The following TBCK variants were observed in gnomAD, a reference collection of about 807,000 sequenced individuals.
TBCK encodes TBC domain-containing protein kinase-like protein.
A neutral mutation model predicts 113.4 loss-of-function variants in TBCK; 99 were observed. The ratio of observed to expected loss-of-function variants is 0.87; its 90% CI spans 0.74 to 1.03. TBCK has a LOEUF of 1.03. TBCK is among the 50% of genes least tolerant of loss of function. TBCK has a pLI of 0.00. For synonymous variants in TBCK, 369 were observed against 370.8 expected, an observed-to-expected ratio of 1.00 and a Z score of 0.05; for missense variants, 1,045 against 1,061.3, an observed-to-expected ratio of 0.98 and a Z score of 0.21.
At chr4:106,194,817 G>T in intron 20 of TBCK, 63 bp from the exon 21 acceptor site, 2 of 1,349,556 alleles carry the variant, frequency 1.5e-6, no homozygotes, top group South Asian at 1.3e-5. Flanking sequence ...TAATTAGAAT[G>T]ATTACCAATA....
intron 20 of TBCK, among the ~76,000 whole-genome samples, chr4:106,205,761 C>CAA (rs144955479): frequency 6.0e-5 from 8 of 133,602 alleles, no homozygotes; most frequent in Middle Eastern, 3.7e-3. Context: ...GACTCTGTCT[C>CAA]AAAAAAAAAA....
intron 3 of TBCK, among the ~76,000 whole-genome samples, chr4:106,264,814 T>C (rs1028413935): frequency 3.3e-5 from 5 of 151,940 alleles, no homozygotes; most frequent in African/African-American, 7.2e-5. Flanking sequence ...TCTTGAGAAA[T>C]TGTTTCATAC....
intron 16 of TBCK, 26 bp downstream of exon 16, chr4:106,233,562 G>A (rs767111497): frequency 2.3e-5 from 36 of 1,588,880 alleles, no homozygotes; most frequent in Admixed American, 1.7e-5. Flanking sequence ...ATTATCTTAG[G>A]TTGCTTAAGA....
intron 24 of TBCK, among the ~76,000 whole-genome samples, chr4:106,111,753 T>G (rs1432778757): frequency 1.3e-5 from 2 of 152,226 alleles, no homozygotes; most frequent in African/African-American, 2.4e-5. Context: ...CTTGGAAATA[T>G]CTTGGGTACA....
chr4:106,131,837 G>T (rs1402938398), intron 23 of TBCK, among the ~76,000 whole-genome samples: 2 of 152,148 alleles, frequency 1.3e-5, no homozygotes, highest in Admixed American at 6.5e-5. Flanking sequence ...TGAACAATAA[G>T]GTCCAGGCTG....
chr4:106,047,117 C>T (rs891624921), intron 25 of TBCK, among the ~76,000 whole-genome samples: 1 of 152,112 alleles, frequency 6.6e-6, no homozygotes, highest in African/African-American at 2.4e-5. Context: ...TTATGGTCCA[C>T]TTCAATGTCC....
intron 23 of TBCK, chr4:106,163,526 G>A (rs1219693057): frequency 6.6e-6 from 1 of 152,116 alleles, no homozygotes; most frequent in Admixed American, 6.6e-5. Flanking sequence ...CCCAAACTGG[G>A]TAATTTATAA....
chr4:106,178,718 T>C (rs990781610), intron 22 of TBCK, among the ~76,000 whole-genome samples: 1 of 151,990 alleles, frequency 6.6e-6, no homozygotes, highest in African/African-American at 2.4e-5. Context: ...CAGTTGCTTG[T>C]ATTTTTGTTG....
chr4:106,249,968 A>C (rs1416550001), intron 7 of TBCK, among the ~76,000 whole-genome samples: 1 of 152,072 alleles, frequency 6.6e-6, no homozygotes, highest in Admixed American at 6.6e-5. Flanking sequence ...TGAATTATAC[A>C]TGTTTGGATC....
intron 23 of TBCK, among the ~76,000 whole-genome samples, chr4:106,130,868 A>C (rs1745817563): frequency 6.6e-6 from 1 of 152,266 alleles, no homozygotes; most frequent in African/African-American, 2.4e-5. Context: ...CAATGTAAAA[A>C]GACTTTCCAA....
At chr4:106,085,706 TA>T (rs1224424908) in intron 25 of TBCK, among the ~76,000 whole-genome samples, 2 of 152,208 alleles carry the variant, frequency 1.3e-5, no homozygotes, top group Non-Finnish European at 2.9e-5. Context: ...TAATTGGAAG[TA>T]AAACACTCCT....
At chr4:106,269,811 C>T (rs1560942144) in intron 3 of TBCK, among the ~76,000 whole-genome samples, 1 of 152,116 alleles carries the variant, frequency 6.6e-6, no homozygotes, top group Non-Finnish European at 1.5e-5. Context: ...GGGAAATTAA[C>T]TTTCCAACTT....
intron 11 of TBCK, among the ~76,000 whole-genome samples, chr4:106,244,140 T>C (rs919296062): frequency 6.6e-6 from 1 of 152,216 alleles, no homozygotes; most frequent in South Asian, 2.1e-4. Flanking sequence ...TATCTTCTTA[T>C]ACAGTTAGGC....
chr4:106,211,818 A>G (rs1202812868), intron 20 of TBCK, among the ~76,000 whole-genome samples: 1 of 152,092 alleles, frequency 6.6e-6, no homozygotes, highest in Non-Finnish European at 1.5e-5. Flanking sequence ...TCCTATGTAT[A>G]TACACATATA....
chr4:106,171,069 T>G (rs1750932609), intron 23 of TBCK, 26 bp downstream of exon 23: 7 of 1,552,390 alleles, frequency 4.5e-6, no homozygotes, highest in Non-Finnish European at 5.2e-6. Context: ...TTTTAGAGTT[T>G]GTAAACTAAA....
chr4:106,083,004 C>T (rs953401886), intron 25 of TBCK, among the ~76,000 whole-genome samples: 1 of 152,234 alleles, frequency 6.6e-6, no homozygotes, highest in Admixed American at 6.5e-5. Context: ...GGCCTAGCGT[C>T]CCAACCCTAG....
At chr4:106,122,395 C>T (rs1166062871) in intron 23 of TBCK, among the ~76,000 whole-genome samples, 2 of 152,116 alleles carry the variant, frequency 1.3e-5, no homozygotes, top group African/African-American at 4.8e-5. Context: ...AGTTTACCAA[C>T]CAAGAAGAGT....
intron 3 of TBCK, among the ~76,000 whole-genome samples, chr4:106,274,516 C>T (rs1348341722): frequency 6.6e-6 from 1 of 152,098 alleles, no homozygotes; most frequent in East Asian, 1.9e-4. Context: ...AGTACTAATA[C>T]ATGCTATAAC....
At chr4:106,173,644 T>C (rs1488482247) in intron 22 of TBCK, among the ~76,000 whole-genome samples, 1 of 152,130 alleles carries the variant, frequency 6.6e-6, no homozygotes, top group Non-Finnish European at 1.5e-5. Flanking sequence ...TGAATCTTGA[T>C]GATGTACTGG....
Sources: gnomAD v4.1 joint callset for allele counts (sites outside exome capture counted in the v4.1 genomes callset) on GRCh38, gnomAD v4.1.1 for gene constraint, MANE v1.5 for transcripts, NCBI Gene and HGNC (gene_info 2026-07-23, HGNC 2026-07-21) for gene names.